RASAL2: variants seen among roughly 807,000 people sequenced by gnomAD.
RASAL2 encodes RAS protein activator like 2, also known as ras GTPase-activating protein nGAP.
RASAL2 carries 58 observed loss-of-function variants against 128.9 expected under a neutral mutation model. The observed-to-expected ratio is 0.45, with a 90% CI of 0.36 to 0.56. The LOEUF (loss-of-function observed/expected upper bound fraction) is 0.56, where lower values mean the gene tolerates loss of function less well. RASAL2 is among the 20% of genes least tolerant of loss of function. The pLI is 0.00. For missense variants in RASAL2, 1,360 were observed against 1,601.6 expected (o/e 0.85, Z 2.57); for synonymous variants, 561 against 580.8 (o/e 0.97, Z 0.49).
Position 178,458,290 on chromosome 1 carries a change from T to C in RASAL2, c.2998T>C (p.Leu1000=), listed in dbSNP as rs1677926912. 4 of 1,614,108 alleles carry C rather than the reference T, an allele frequency of 2.5e-6. No homozygotes were observed. In the Admixed American group the frequency reaches 5.0e-5, roughly 20 times the overall value. The change falls in exon 14 of 18, where the codon TTG becomes CTG. Residue 1000 remains leucine (L), a synonymous_variant. Transcript: ENST00000367649. ...GCCAGATAGACACATACCTCTTGCT[T>C]TGCCACGACAAAATAGTACTGGGCA... ...TVPDRHIPLA[L]PRQNSTGQAQ...
chr1:178,344,792 G>T (rs1670063157), intron 3 of RASAL2, among the ~76,000 whole-genome samples: 1 of 152,142 alleles, frequency 6.6e-6, no homozygotes, highest in Non-Finnish European at 1.5e-5. Context: ...AGAATCAGAA[G>T]CAAAAATTTT....
chr1:178,236,967 T>C (rs1262446497), intron 1 of RASAL2, among the ~76,000 whole-genome samples: 1 of 152,026 alleles, frequency 6.6e-6, no homozygotes, highest in African/African-American at 2.4e-5. Flanking sequence ...TTTCGCCATG[T>C]TGGTCAGGCT....
At chr1:178,296,180 T>C (rs556018251) in intron 2 of RASAL2, among the ~76,000 whole-genome samples, 3 of 152,064 alleles carry the variant, frequency 2.0e-5, no homozygotes, top group African/African-American at 7.2e-5. Context: ...TGTGTGCATA[T>C]ATATATATAT....
At chr1:178,158,781 G>A (rs1302427095) in intron 1 of RASAL2, among the ~76,000 whole-genome samples, 1 of 152,082 alleles carries the variant, frequency 6.6e-6, no homozygotes, top group Non-Finnish European at 1.5e-5. Flanking sequence ...TATGTAAATG[G>A]ACTTCTCTCT....
intron 5 of RASAL2, among the ~76,000 whole-genome samples, chr1:178,426,148 G>T (rs568303541): frequency 1.3e-5 from 2 of 152,106 alleles, no homozygotes; most frequent in South Asian, 4.2e-4. Context: ...TCATTCCTAG[G>T]TAGATCCAAG....
At chr1:178,238,582 A>G (rs1664359042) in intron 1 of RASAL2, among the ~76,000 whole-genome samples, 1 of 151,960 alleles carries the variant, frequency 6.6e-6, no homozygotes, top group South Asian at 2.1e-4. Context: ...ATTCAGTAAA[A>G]TATTTCTGTG....
intron 1 of RASAL2, among the ~76,000 whole-genome samples, chr1:178,197,536 G>A (rs1472487124): frequency 6.6e-6 from 1 of 151,102 alleles, no homozygotes. Context: ...TTGAACCCAG[G>A]AAAGGGAGGC....
chr1:178,351,153 C>T (rs999436064), intron 3 of RASAL2, among the ~76,000 whole-genome samples: 1 of 152,140 alleles, frequency 6.6e-6, no homozygotes, highest in Non-Finnish European at 1.5e-5. Flanking sequence ...GAAACTGCCC[C>T]CATGATCCAG....
At chr1:178,309,491 G>T (rs1181135373) in intron 3 of RASAL2, among the ~76,000 whole-genome samples, 1 of 152,110 alleles carries the variant, frequency 6.6e-6, no homozygotes, top group African/African-American at 2.4e-5. Flanking sequence ...GGTTTTGGTT[G>T]AGTAGTTTTG....
intron 1 of RASAL2, among the ~76,000 whole-genome samples, chr1:178,265,260 G>GT (rs2102148931): frequency 6.6e-6 from 1 of 151,986 alleles, no homozygotes; most frequent in South Asian, 2.1e-4. Context: ...GTTGTTTTTG[G>GT]TTTTTTGGTT....
intron 4 of RASAL2, among the ~76,000 whole-genome samples, chr1:178,418,585 A>G (rs531104834): frequency 6.2e-4 from 95 of 152,222 alleles, no homozygotes; most frequent in Non-Finnish European, 1.2e-3. Flanking sequence ...TCTTTCAGTA[A>G]TCTAAATAGT....
intron 3 of RASAL2, among the ~76,000 whole-genome samples, chr1:178,360,159 T>C (rs978366061): frequency 2.6e-5 from 4 of 152,106 alleles, no homozygotes; most frequent in African/African-American, 4.8e-5. Context: ...CCTATTTAAC[T>C]CCACCCCCAA....
At chr1:178,155,576 G>A (rs1258567925) in intron 1 of RASAL2, among the ~76,000 whole-genome samples, 1 of 150,924 alleles carries the variant, frequency 6.6e-6, no homozygotes, top group Non-Finnish European at 1.5e-5. Context: ...AGTCAGTTCT[G>A]AAGCAGCCTC....
chr1:178,110,872 A>G (rs1558058575), intron 1 of RASAL2, among the ~76,000 whole-genome samples: 2 of 152,008 alleles, frequency 1.3e-5, no homozygotes, highest in Admixed American at 1.3e-4. Context: ...CTGGGATTAC[A>G]GGATTGAGCC....
intron 1 of RASAL2, among the ~76,000 whole-genome samples, chr1:178,096,548 CA>C (rs1658694638): frequency 6.6e-6 from 1 of 151,242 alleles, no homozygotes; most frequent in African/African-American, 2.4e-5. Context: ...TCCTTCTGAA[CA>C]GGATATATGT....
chr1:178,422,837 T>C (rs2102758701), intron 5 of RASAL2, among the ~76,000 whole-genome samples: 1 of 152,248 alleles, frequency 6.6e-6, no homozygotes, highest in African/African-American at 2.4e-5. Flanking sequence ...TCCTTTTTTT[T>C]CCATTTTTAA....
chr1:178,138,797 C>T (rs1013741904), intron 1 of RASAL2, among the ~76,000 whole-genome samples: 1 of 151,820 alleles, frequency 6.6e-6, no homozygotes. Context: ...GTACATACCT[C>T]GAAGGACTTT....
At chr1:178,350,754 G>A (rs572698438) in intron 3 of RASAL2, among the ~76,000 whole-genome samples, 54 of 152,252 alleles carry the variant, frequency 3.5e-4, no homozygotes, top group African/African-American at 1.2e-3. Flanking sequence ...AGCTTCTAGA[G>A]GCCACTGTTA....
chr1:178,464,409 G>T lies in RASAL2; in HGVS notation c.3384G>T (p.Glu1128Asp). ...ATCTAGATGAAGCCAAGCATGCTGA[G>T]AAGGTAGAACCTAGTCTGCTTCATC... Reference protein sequence around the residue: ...EQNLDEAKHAEKYEQEITKLK... With the variant: ...EQNLDEAKHADKYEQEITKLK... The change falls in exon 15 of 18, where the codon GAG becomes GAT. Residue 1128 changes from glutamate (E) to aspartate (D), a missense_variant. This residue lies in a region of RASAL2 where 741 missense variants were observed against 868.6 expected (regional missense o/e 0.85). Coordinates refer to ENST00000367649, the MANE Select transcript of RASAL2 (RefSeq NM_170692.4). 6.2e-7 allele frequency: 1 copy of T among 1,613,576 alleles called. No homozygotes were observed. Among genetic ancestry groups the T allele is most frequent in the Non-Finnish European group, 8.5e-7 (1 of 1,179,738 alleles).
Sources: gnomAD v4.1 joint callset for allele counts (sites outside exome capture counted in the v4.1 genomes callset) on GRCh38, gnomAD v4.1.1 for gene constraint, gnomAD v4.1.1 regional missense constraint, MANE v1.5 for transcripts, NCBI Gene and HGNC (gene_info 2026-07-23, HGNC 2026-07-21) for gene names.